The following BICD1 variants were observed in gnomAD, a reference collection of about 807,000 sequenced individuals.
BICD1 encodes BICD cargo adaptor 1.
BICD1 carries 35 observed loss-of-function variants against 92.5 expected under a neutral mutation model. That is an observed-to-expected ratio of 0.38 (90% CI 0.29 to 0.50). The LOEUF (loss-of-function observed/expected upper bound fraction) is 0.50. Ranked by LOEUF, BICD1 falls within the 20% of genes least tolerant of loss-of-function variation. The probability of loss-of-function intolerance (pLI) is 0.93; values close to 1 mark genes in which losing one functional copy is unlikely to be tolerated. For missense variants in BICD1, 950 were observed against 1,189.8 expected (o/e 0.80, Z 2.97); for synonymous variants, 429 against 465.1 (o/e 0.92, Z 1.00).
At chr12:32,147,796 G>A (rs1009992196) in intron 1 of BICD1, among the ~76,000 whole-genome samples, 2 of 152,034 alleles carry the variant, frequency 1.3e-5, no homozygotes, top group African/African-American at 4.8e-5. Context: ...ATGGTTCCAG[G>A]GCAGCCTAAC....
intron 1 of BICD1, among the ~76,000 whole-genome samples, chr12:32,184,236 C>G (rs1305890538): frequency 6.6e-6 from 1 of 152,164 alleles, no homozygotes; most frequent in African/African-American, 2.4e-5. Context: ...TTTTGCTACT[C>G]TATGGCCTTG....
At chr12:32,370,164 C>A (rs1939678736) in intron 9 of BICD1, among the ~76,000 whole-genome samples, 1 of 151,944 alleles carries the variant, frequency 6.6e-6, no homozygotes, top group Admixed American at 6.6e-5. Flanking sequence ...GTCAAGAGAT[C>A]GAGACCACCT....
At chr12:32,281,781 C>T (rs1339766047) in intron 2 of BICD1, among the ~76,000 whole-genome samples, 1 of 152,010 alleles carries the variant, frequency 6.6e-6, no homozygotes, top group Non-Finnish European at 1.5e-5. Flanking sequence ...AAGCTCATCC[C>T]AACAACGCTT....
Position 32,381,819 on chromosome 12 carries a change from C to G in BICD1, c.*4192C>G, listed in dbSNP as rs1208272507. The G allele has an allele frequency of 6.6e-6, 1 of 151,988 alleles. No homozygotes were observed. The highest frequency in any genetic ancestry group is 6.6e-5 in the Admixed American group (1 of 15,244). The allele number at this position is 151,988 out of a possible 1,614,324, so 9.4% of individuals were successfully genotyped here. ...AAGTTCACAATTTTAAAAAGGTTGC[C>G]CTCCAGTTTTTTTGTTTGTTTATAA... On this transcript the variant is annotated 3_prime_UTR_variant, in exon 10 of 10. Transcript: ENST00000652176.
At chr12:32,315,705 T>A (rs1307120111) in intron 4 of BICD1, among the ~76,000 whole-genome samples, 1 of 152,214 alleles carries the variant, frequency 6.6e-6, no homozygotes, top group Non-Finnish European at 1.5e-5. Flanking sequence ...TCTAGACTTT[T>A]TTATTTAACA....
chr12:32,346,657 T>TATATAC (rs765654340), intron 8 of BICD1, among the ~76,000 whole-genome samples: 605 of 14,768 alleles, frequency 0.041, 152 homozygotes, highest in South Asian at 0.072. Context: ...TATATATATA[T>TATATAC]ACACACACAC....
intron 4 of BICD1, among the ~76,000 whole-genome samples, chr12:32,326,735 T>G (rs556500265): frequency 1.3e-5 from 2 of 152,184 alleles, no homozygotes; most frequent in African/African-American, 4.8e-5. Flanking sequence ...CACACAAAAT[T>G]AGCCAGGTGT....
At chr12:32,134,696 G>A (rs1376504854) in intron 1 of BICD1, among the ~76,000 whole-genome samples, 1 of 152,134 alleles carries the variant, frequency 6.6e-6, no homozygotes, top group Non-Finnish European at 1.5e-5. Context: ...TTAGAATAAA[G>A]TCTTGATAAC....
chr12:32,209,123 G>T (rs1565588742), intron 1 of BICD1, among the ~76,000 whole-genome samples: 1 of 152,074 alleles, frequency 6.6e-6, no homozygotes, highest in Non-Finnish European at 1.5e-5. Flanking sequence ...GCCCAGTCTG[G>T]GCTCAGTGTT....
chr12:32,316,666 C>T (rs188679615), intron 4 of BICD1, among the ~76,000 whole-genome samples: 2 of 151,616 alleles, frequency 1.3e-5, no homozygotes, highest in African/African-American at 4.8e-5. Flanking sequence ...AGTTGAGGAG[C>T]ATCTGTATAC....
intron 2 of BICD1, among the ~76,000 whole-genome samples, chr12:32,285,512 C>G (rs752949192): frequency 6.6e-5 from 10 of 152,088 alleles, no homozygotes; most frequent in Non-Finnish European, 1.3e-4. Context: ...TGTGTGGTGA[C>G]AAGCGTTCAT....
chr12:32,293,889 A>C, intron 2 of BICD1, 105 bp from the exon 3 acceptor site: 1 of 1,173,754 alleles, frequency 8.5e-7, no homozygotes, highest in Non-Finnish European at 1.2e-6. Flanking sequence ...AACAATTTAC[A>C]CCCCATGAGG....
intron 2 of BICD1, among the ~76,000 whole-genome samples, chr12:32,229,473 G>A (rs569734066): frequency 6.6e-6 from 1 of 152,272 alleles, no homozygotes; most frequent in East Asian, 1.9e-4. Flanking sequence ...AATGCTTTCT[G>A]AGAGCCAAAT....
intron 4 of BICD1, among the ~76,000 whole-genome samples, chr12:32,310,445 C>T (rs1428426235): frequency 6.6e-6 from 1 of 152,122 alleles, no homozygotes; most frequent in African/African-American, 2.4e-5. Flanking sequence ...GAATGAAATC[C>T]CCCAATGATC....
rs763381567 is a variant in BICD1, at chr12:32,338,807, T to C, written c.2592T>C (p.Cys864=). Residue 864 remains cysteine, a synonymous_variant, in exon 8 of 10, where the codon TGT becomes TGC. Coordinates refer to ENST00000652176, the MANE Select transcript of BICD1 (RefSeq NM_001714.4). Reference sequence around the variant, plus strand: ...CAAGACAATTTTCACCTTCCCTTTGTGATCAGAGCCGTCCCAGGACTTCAG... The same window carrying C: ...CAAGACAATTTTCACCTTCCCTTTGCGATCAGAGCCGTCCCAGGACTTCAG... The part of the protein sequence containing the change: ...QRKRQFSPSL[C]DQSRPRTSGA... 1 of 1,587,956 alleles carries C rather than the reference T, an allele frequency of 6.3e-7. No homozygotes were observed. The highest frequency in any genetic ancestry group is 8.5e-7 in the Non-Finnish European group (1 of 1,170,630).
At chr12:32,109,286 A>T (rs1172746227) in intron 1 of BICD1, 1 of 152,206 alleles carries the variant, frequency 6.6e-6, no homozygotes, top group Non-Finnish European at 1.5e-5. Context: ...ATATTTTATG[A>T]AAGAATCAGT....
rs60631634 is a variant in BICD1 at position 32,274,901 on chromosome 12, G to T, written c.427-19093G>T. Among the ~76,000 whole-genome samples the T allele has an allele frequency of 9.4e-3, 1,437 of 152,156 alleles. 13 individuals carry two copies. The highest frequency in any genetic ancestry group is 0.023 in the African/African-American group (943 of 41,500). On this transcript the variant is annotated intron_variant, in intron 2 of 9. Transcript: ENST00000652176. ...CAAGCTGTAAAATGGGACTAATAAT[G>T]GTGTCCAACTCACAGGATTGCTATG... is the stretch of plus-strand genomic sequence containing the variant.
At chr12:32,246,738 T>C (rs1158301558) in intron 2 of BICD1, among the ~76,000 whole-genome samples, 1 of 152,208 alleles carries the variant, frequency 6.6e-6, no homozygotes, top group African/African-American at 2.4e-5. Context: ...CAAATATTCA[T>C]TGAACACTGT....
intron 1 of BICD1, among the ~76,000 whole-genome samples, chr12:32,130,413 G>A (rs1458034979): frequency 1.3e-5 from 2 of 151,898 alleles, no homozygotes; most frequent in East Asian, 1.9e-4. Context: ...CCGTGGTCTC[G>A]ATCTCCTGAC....
Sources: gnomAD v4.1 joint callset for allele counts (sites outside exome capture counted in the v4.1 genomes callset) on GRCh38, gnomAD v4.1.1 for gene constraint, MANE v1.5 for transcripts, NCBI Gene and HGNC (gene_info 2026-07-23, HGNC 2026-07-21) for gene names.